ARMC3: variants seen among roughly 807,000 people sequenced by gnomAD.
ARMC3 encodes the protein armadillo repeat-containing protein 3.
ARMC3 carries 74 observed loss-of-function variants against 90.3 expected under a neutral mutation model. That is an observed-to-expected ratio of 0.82 (90% CI 0.68 to 0.99). The LOEUF (loss-of-function observed/expected upper bound fraction) is 0.99, where lower values mean the gene tolerates loss of function less well. ARMC3 is among the 50% of genes least tolerant of loss of function. The probability of loss-of-function intolerance (pLI) is 0.00; values close to 1 mark genes in which losing one functional copy is unlikely to be tolerated. For missense variants in ARMC3, 958 were observed against 1,042.8 expected (o/e 0.92, Z 1.12); for synonymous variants, 334 against 361.8 (o/e 0.92, Z 0.87).
chr10:23,037,573 A>G lies in ARMC3; in HGVS notation c.*94A>G. 9.0e-7 allele frequency: 1 copy of G among 1,108,644 alleles called. No homozygotes were observed. The allele number at this position is 1,108,644 out of a possible 1,614,324, so 68.7% of individuals were successfully genotyped here. A position where few individuals can be genotyped will look rare whatever the true frequency, so the allele number is the denominator to read the frequency against. ...AAATTGATTTTATCTCTTTAAATAA[A>G]AACTTTAAATAAAAGTATTAGAAAT... On this transcript the variant is annotated 3_prime_UTR_variant, in exon 19 of 19. Transcript: ENST00000298032.
At chr10:23,035,743 C>T (rs926007079) in intron 18 of ARMC3, among the ~76,000 whole-genome samples, 2 of 152,034 alleles carry the variant, frequency 1.3e-5, no homozygotes, top group Non-Finnish European at 2.9e-5. Context: ...TTCACTCATA[C>T]ACACCACCTA....
At chr10:23,023,190 G>A (rs949736652) in intron 16 of ARMC3, among the ~76,000 whole-genome samples, 1 of 152,084 alleles carries the variant, frequency 6.6e-6, no homozygotes, top group Non-Finnish European at 1.5e-5. Context: ...GTCCCAGAAC[G>A]GGGAAACCCC....
At chr10:23,010,881 T>C (rs1837959321) in intron 16 of ARMC3, among the ~76,000 whole-genome samples, 1 of 23,834 alleles carries the variant, frequency 4.2e-5, no homozygotes, top group Admixed American at 4.3e-4. Context: ...TCTCCTTCCC[T>C]TTCCCTCCCA....
chr10:22,998,940 T>TAAAGAAAATTGAGGGA (rs914798742), intron 11 of ARMC3, among the ~76,000 whole-genome samples: 2 of 152,176 alleles, frequency 1.3e-5, no homozygotes, highest in Non-Finnish European at 2.9e-5. Context: ...GTTAAAACTA[T>TAAAGAAAATTGAGGGA]AAAGAAAATT....
At chr10:23,004,253 G>C (rs1018803174) in intron 13 of ARMC3, among the ~76,000 whole-genome samples, 2 of 152,128 alleles carry the variant, frequency 1.3e-5, no homozygotes, top group African/African-American at 4.8e-5. Context: ...GATTTAGTCA[G>C]TATTTTCTAC....
At chr10:22,997,500 T>G (rs1176714661) in intron 10 of ARMC3, 1 of 152,284 alleles carries the variant, frequency 6.6e-6, no homozygotes, top group African/African-American at 2.4e-5. Context: ...AATTATCTAT[T>G]TATATACATA....
At chr10:22,996,376 G>T (rs1836957402) in intron 10 of ARMC3, among the ~76,000 whole-genome samples, 1 of 152,126 alleles carries the variant, frequency 6.6e-6, no homozygotes, top group African/African-American at 2.4e-5. Context: ...TGACCCTCGG[G>T]CTATTATAGT....
At chr10:22,976,208 C>T (rs867029136) in intron 8 of ARMC3, among the ~76,000 whole-genome samples, 1 of 152,158 alleles carries the variant, frequency 6.6e-6, no homozygotes, top group African/African-American at 2.4e-5. Context: ...TTGTTTCTTC[C>T]TCTCTTCCCC....
At chr10:22,996,048 G>C (rs1181858634) in intron 10 of ARMC3, among the ~76,000 whole-genome samples, 3 of 152,142 alleles carry the variant, frequency 2.0e-5, no homozygotes, top group South Asian at 4.2e-4. Flanking sequence ...CAAGGTATTT[G>C]GTTTAAGGGG....
At chr10:22,975,678 A>G (rs919564075) in intron 8 of ARMC3, among the ~76,000 whole-genome samples, 1 of 152,100 alleles carries the variant, frequency 6.6e-6, no homozygotes, top group Non-Finnish European at 1.5e-5. Flanking sequence ...AGAATTTTTT[A>G]TCCTGAGTTT....
intron 2 of ARMC3, among the ~76,000 whole-genome samples, chr10:22,933,762 G>C (rs2131128531): frequency 6.6e-6 from 1 of 152,252 alleles, no homozygotes; most frequent in East Asian, 1.9e-4. Flanking sequence ...GCAGGCGCTG[G>C]TAGTCCCAGC....
At chr10:22,966,054 A>T (rs1033704463) in intron 7 of ARMC3, among the ~76,000 whole-genome samples, 1 of 152,206 alleles carries the variant, frequency 6.6e-6, no homozygotes, top group African/African-American at 2.4e-5. Context: ...CTTTCTAGTG[A>T]TTCCAGATTC....
At position 22,959,582 on chromosome 10, in the gene ARMC3, T is replaced by G. The variant is rs771763343; in HGVS notation, c.537+8T>G. 2 of 1,574,982 alleles carry G rather than the reference T, an allele frequency of 1.3e-6. No individual in the cohort carries two copies. Among genetic ancestry groups the G allele is most frequent in the Non-Finnish European group, 1.7e-6 (2 of 1,166,122 alleles). On this transcript the variant is annotated splice_region_variant and intron_variant, in intron 6 of 18. Transcript: ENST00000298032. ...ATTTACAACTTGGTGCAGGTAAGAT[T>G]AATTTCTAAAAAGCGTTCTGATGAA...
intron 1 of ARMC3, 55 bp from the exon 2 acceptor site, chr10:22,931,941 A>G: frequency 6.8e-7 from 1 of 1,467,598 alleles, no homozygotes; most frequent in Non-Finnish European, 9.4e-7. Context: ...GGCACAGGTA[A>G]TTGAGAAATG....
chr10:23,012,201 G>A (rs978142851), intron 16 of ARMC3, among the ~76,000 whole-genome samples: 1 of 152,080 alleles, frequency 6.6e-6, no homozygotes, highest in Admixed American at 6.5e-5. Flanking sequence ...TGAATATCAA[G>A]CTGCTGATCT....
chr10:23,023,217 A>C (rs1838579290), intron 16 of ARMC3, among the ~76,000 whole-genome samples: 1 of 152,140 alleles, frequency 6.6e-6, no homozygotes, highest in African/African-American at 2.4e-5. Context: ...TCCTTCAGAT[A>C]ACACCAGGAG....
Position 23,036,949 on chromosome 10 carries a change from G to C in ARMC3, c.2410-321G>C, listed in dbSNP as rs540875464. Among the ~76,000 whole-genome samples, 26 of 152,316 alleles carry C rather than the reference G, an allele frequency of 1.7e-4. No homozygotes were observed. The East Asian group carries it at 4.4e-3, about 26-fold the overall frequency. ...GAGAGCCCAGAAGTTTGGAAAGATGGATAGATGCACTAGTGCAAAGAGTGC... is the reference window on the plus strand; with the variant it reads ...GAGAGCCCAGAAGTTTGGAAAGATGCATAGATGCACTAGTGCAAAGAGTGC... On this transcript the variant is annotated intron_variant, in intron 18 of 18. Coordinates refer to ENST00000298032, the MANE Select transcript of ARMC3 (RefSeq NM_173081.5).
At chr10:22,939,571 C>G (rs1834244131) in intron 2 of ARMC3, among the ~76,000 whole-genome samples, 1 of 152,126 alleles carries the variant, frequency 6.6e-6, no homozygotes, top group Admixed American at 6.5e-5. Flanking sequence ...CCTGCCCTAC[C>G]TAATAAAGCT....
At chr10:23,030,078 T>C (rs537569472) in intron 16 of ARMC3, among the ~76,000 whole-genome samples, 145 of 152,320 alleles carry the variant, frequency 9.5e-4, no homozygotes, top group Non-Finnish European at 1.8e-3. Flanking sequence ...AAGACCAATA[T>C]ATGATTTTCA....
Sources: allele counts gnomAD v4.1 joint callset (sites outside exome capture counted in the v4.1 genomes callset), GRCh38; gene constraint gnomAD v4.1.1; transcripts MANE v1.5; gene names NCBI Gene and HGNC (gene_info 2026-07-23, HGNC 2026-07-21).